ASTN2: variants seen among roughly 807,000 people sequenced by gnomAD.
The protein encoded by ASTN2 is astrotactin-2.
Under a neutral mutation model 139.8 loss-of-function variants are expected in ASTN2, and 54 were observed. The observed-to-expected ratio is 0.39, with a 90% CI of 0.31 to 0.48. ASTN2 has a LOEUF of 0.48. ASTN2 is among the 20% of genes least tolerant of loss of function. The probability of loss-of-function intolerance (pLI) is 0.95; values close to 1 mark genes in which losing one functional copy is unlikely to be tolerated. For synonymous variants in ASTN2, 756 were observed against 719.5 expected, an observed-to-expected ratio of 1.05 and a Z score of -0.81; for missense variants, 1,565 against 1,725.1, an observed-to-expected ratio of 0.91 and a Z score of 1.64.
intron 16 of ASTN2, among the ~76,000 whole-genome samples, chr9:116,718,966 G>GTATATATATATATATA (rs1219672903): frequency 9.4e-5 from 3 of 31,812 alleles, no homozygotes; most frequent in African/African-American, 3.7e-4. Context: ...ATCTATACCT[G>GTATATATATATATATA]TATCTGTACA....
At chr9:117,131,917 T>G (rs553531818) in intron 4 of ASTN2, among the ~76,000 whole-genome samples, 8 of 152,352 alleles carry the variant, frequency 5.3e-5, no homozygotes, top group African/African-American at 1.9e-4. Flanking sequence ...GTCACTCATA[T>G]TGGCTTAAAA....
At chr9:116,904,277 C>T (rs1834098647) in intron 10 of ASTN2, among the ~76,000 whole-genome samples, 1 of 152,162 alleles carries the variant, frequency 6.6e-6, no homozygotes, top group African/African-American at 2.4e-5. Flanking sequence ...GTTAAGGCTG[C>T]AGAAGGCTCC....
intron 13 of ASTN2, among the ~76,000 whole-genome samples, chr9:116,778,620 C>T (rs1438687897): frequency 6.6e-6 from 1 of 152,166 alleles, no homozygotes; most frequent in African/African-American, 2.4e-5. Flanking sequence ...TCTCCTTCCC[C>T]TGATGACTAG....
At chr9:116,857,590 TGGAA>T (rs1765950677) in intron 11 of ASTN2, among the ~76,000 whole-genome samples, 1 of 152,198 alleles carries the variant, frequency 6.6e-6, no homozygotes, top group Non-Finnish European at 1.5e-5. Context: ...AATGTGAAAC[TGGAA>T]GGGAGTCTTG....
intron 6 of ASTN2, among the ~76,000 whole-genome samples, chr9:117,022,164 G>A (rs6478272): frequency 0.053 from 8,018 of 152,046 alleles, 515 homozygotes; most frequent in African/African-American, 0.16. Context: ...GCATAAACAA[G>A]AACACACAAC....
intron 10 of ASTN2, among the ~76,000 whole-genome samples, chr9:116,900,968 C>T (rs373763880): frequency 6.6e-4 from 101 of 152,126 alleles, no homozygotes; most frequent in African/African-American, 2.2e-3. Flanking sequence ...TTTTTTTAAA[C>T]TGGACTTCCT....
At chr9:117,052,678 A>C (rs1838948389) in intron 5 of ASTN2, among the ~76,000 whole-genome samples, 1 of 152,206 alleles carries the variant, frequency 6.6e-6, no homozygotes, top group Admixed American at 6.5e-5. Context: ...AGGTCCAAAC[A>C]CATGCAGAGC....
At chr9:116,810,447 A>C (rs1831134496) in intron 12 of ASTN2, among the ~76,000 whole-genome samples, 1 of 152,198 alleles carries the variant, frequency 6.6e-6, no homozygotes, top group Admixed American at 6.5e-5. Flanking sequence ...TTGCTTATCT[A>C]TAAAGAAGAT....
At chr9:117,369,588 A>C (rs1829937149) in intron 1 of ASTN2, among the ~76,000 whole-genome samples, 2 of 152,102 alleles carry the variant, frequency 1.3e-5, no homozygotes, top group Admixed American at 1.3e-4. Flanking sequence ...TCATCTGTCT[A>C]CTATCTATTA....
At chr9:116,758,121 T>C (rs1829582436) in intron 13 of ASTN2, among the ~76,000 whole-genome samples, 1 of 152,174 alleles carries the variant, frequency 6.6e-6, no homozygotes, top group Non-Finnish European at 1.5e-5. Context: ...ATCACTTCTT[T>C]ATTGGATTGT....
At chr9:117,073,376 A>C (rs1347081378) in intron 5 of ASTN2, among the ~76,000 whole-genome samples, 2 of 152,008 alleles carry the variant, frequency 1.3e-5, no homozygotes, top group Non-Finnish European at 2.9e-5. Context: ...AATCCTTTGC[A>C]ATATCATCTA....
At chr9:117,308,990 A>G (rs979817530) in intron 1 of ASTN2, among the ~76,000 whole-genome samples, 1 of 152,332 alleles carries the variant, frequency 6.6e-6, no homozygotes. Flanking sequence ...GTCAGCTTTT[A>G]CCACTATGGG....
intron 4 of ASTN2, among the ~76,000 whole-genome samples, chr9:117,109,858 G>A (rs1309103174): frequency 1.3e-5 from 2 of 152,052 alleles, no homozygotes; most frequent in Non-Finnish European, 2.9e-5. Flanking sequence ...GGGCTAAATT[G>A]TTTCACCTTT....
At chr9:117,284,263 C>A (rs2130771932) in intron 2 of ASTN2, among the ~76,000 whole-genome samples, 1 of 152,238 alleles carries the variant, frequency 6.6e-6, no homozygotes, top group Admixed American at 6.5e-5. Flanking sequence ...ACCACCAAGG[C>A]CAACTAATTT....
intron 10 of ASTN2, among the ~76,000 whole-genome samples, chr9:116,947,512 G>T (rs1740883084): frequency 6.6e-6 from 1 of 152,088 alleles, no homozygotes; most frequent in South Asian, 2.1e-4. Context: ...CCTCCTAAAA[G>T]CAAGGGGGAA....
chr9:117,134,434 C>T (rs955506811), intron 4 of ASTN2, among the ~76,000 whole-genome samples: 3 of 151,698 alleles, frequency 2.0e-5, no homozygotes, highest in Non-Finnish European at 4.4e-5. Flanking sequence ...ATTTGCTTCT[C>T]CTCCCAACTG....
intron 16 of ASTN2, among the ~76,000 whole-genome samples, chr9:116,718,904 T>C (rs1158732176): frequency 6.7e-6 from 1 of 149,972 alleles, no homozygotes; most frequent in African/African-American, 2.5e-5. Flanking sequence ...TCAATAATTA[T>C]GTTAGACAAT....
intron 19 of ASTN2, among the ~76,000 whole-genome samples, chr9:116,579,343 A>G (rs1444669698): frequency 6.6e-6 from 1 of 152,186 alleles, no homozygotes; most frequent in Non-Finnish European, 1.5e-5. Context: ...TTTCTGCTGC[A>G]ATCTACCACA....
chr9:117,365,864 A>C (rs1829831644), intron 1 of ASTN2, among the ~76,000 whole-genome samples: 1 of 152,202 alleles, frequency 6.6e-6, no homozygotes, highest in Admixed American at 6.5e-5. Flanking sequence ...TATCTTAGGC[A>C]GGCCACTTCT....
Sources: allele counts gnomAD v4.1 joint callset (sites outside exome capture counted in the v4.1 genomes callset), GRCh38; gene constraint gnomAD v4.1.1; transcripts MANE v1.5; gene names NCBI Gene and HGNC (gene_info 2026-07-23, HGNC 2026-07-21).